VIPR1: variants seen among roughly 807,000 people sequenced by gnomAD.
VIPR1 encodes the protein vasoactive intestinal peptide receptor 1.
In VIPR1, 59 loss-of-function variants were observed where a neutral mutation model predicts 58.8. That is an observed-to-expected ratio of 1.00 (90% CI 0.81 to 1.25). VIPR1 has a LOEUF of 1.25. Ranked by LOEUF, VIPR1 falls within the 50% of genes most tolerant of loss-of-function variation. VIPR1 has a pLI of 0.00. For synonymous variants in VIPR1, 251 were observed against 242.1 expected (o/e 1.04, Z -0.34); for missense variants, 626 against 602.7 (o/e 1.04, Z -0.40).
At chr3:42,508,526 G>T (rs1266640706) in intron 1 of VIPR1, among the ~76,000 whole-genome samples, 1 of 152,128 alleles carries the variant, frequency 6.6e-6, no homozygotes, top group Non-Finnish European at 1.5e-5. Context: ...TCAGTGAATT[G>T]TCACATATGT....
At chr3:42,498,031 C>G (rs1699800054), upstream of VIPR1, among the ~76,000 whole-genome samples, 1 of 152,214 alleles carries the variant, frequency 6.6e-6, no homozygotes, top group Non-Finnish European at 1.5e-5. Flanking sequence ...CTGCCCAGAG[C>G]AGGAGCTCCA....
intron 2 of VIPR1, 98 bp downstream of exon 2, chr3:42,513,952 T>A: frequency 7.5e-7 from 1 of 1,340,052 alleles, no homozygotes; most frequent in Non-Finnish European, 1.0e-6. Flanking sequence ...GTTCCACATT[T>A]ATTGGATGAT....
chr3:42,505,724 A>C (rs1205239058), intron 1 of VIPR1, among the ~76,000 whole-genome samples: 1 of 152,230 alleles, frequency 6.6e-6, no homozygotes, highest in Non-Finnish European at 1.5e-5. Context: ...CCAGGCTGGA[A>C]ACAGGAGAGC....
chr3:42,526,233 A>T (rs1239813326), intron 4 of VIPR1, among the ~76,000 whole-genome samples: 2 of 152,188 alleles, frequency 1.3e-5, no homozygotes. Flanking sequence ...AAGCTGAAGC[A>T]GCTCCCCCAG....
At chr3:42,511,672 GA>G (rs1481545810) in intron 1 of VIPR1, 1 of 152,348 alleles carries the variant, frequency 6.6e-6, no homozygotes, top group Non-Finnish European at 1.5e-5. Context: ...CCAGAAAGCA[GA>G]AAGAACCCTG....
chr3:42,502,896 G>A, intron 1 of VIPR1, 83 bp downstream of exon 1: 1 of 1,059,806 alleles, frequency 9.4e-7, no homozygotes, highest in African/African-American at 1.6e-5. Context: ...CGGGAGCCGG[G>A]CCGTCTGTGC....
chr3:42,493,649 A>G (rs1332703129), intron 1 of VIPR1, among the ~76,000 whole-genome samples: 1 of 152,196 alleles, frequency 6.6e-6, no homozygotes, highest in Non-Finnish European at 1.5e-5. Flanking sequence ...AGTCAGGGGA[A>G]TGACACAGTG....
chr3:42,505,004 C>T (rs1700050696), intron 1 of VIPR1, among the ~76,000 whole-genome samples: 1 of 152,102 alleles, frequency 6.6e-6, no homozygotes, highest in African/African-American at 2.4e-5. Context: ...GCCCCTGCCC[C>T]CCGGACAGCA....
chr3:42,527,467 G>A lies in VIPR1; in HGVS notation c.474G>A (p.Leu158=). ...IGYGLSLATL[L]VATAILSLFR... is the part of the protein sequence containing the mutation. ...ACGGCCTGTCCCTCGCCACCCTTCT[G>A]GTCGCCACAGCTATCCTGAGCCTGT... The change falls in exon 5 of 13, where the codon CTG becomes CTA. Residue 158 remains leucine, a synonymous_variant. Coordinates refer to ENST00000325123, the MANE Select transcript of VIPR1 (RefSeq NM_004624.4). 6.2e-7 allele frequency: 1 copy of A among 1,613,886 alleles called. No individual in the cohort carries two copies. The highest frequency in any genetic ancestry group is 1.1e-5 in the South Asian group (1 of 91,078).
At position 42,528,093 on chromosome 3, in the gene VIPR1, CG is replaced by C. The variant is rs1701333276; in HGVS notation, c.610del (p.Glu204SerfsTer94). ...TCAAAGACTTGGCCCTCTTCGACAG[CG>C]GGGAGTCGGACCAGTGCTCCGAGGG... ...FIKDLALFDS[G>X]ESDQCSEGSV... On this transcript the variant is annotated frameshift_variant, in exon 6 of 13. Transcript: ENST00000325123. LOFTEE classifies it high-confidence loss of function. The C allele has an allele frequency of 1.2e-6, 2 of 1,613,930 alleles. No homozygotes were observed. Among genetic ancestry groups the C allele is most frequent in the Admixed American group, 1.7e-5 (1 of 60,018 alleles).
In VIPR1 at chr3:42,532,229, C is replaced by A. The variant is rs374340346; in HGVS notation, c.919-13C>A. Reference sequence around the variant, plus strand: ...CCGCTCTGACTGCCCGAACTCGGGTCCCCACCCACTAGGTAAACTTCATCC... The same window carrying A: ...CCGCTCTGACTGCCCGAACTCGGGTACCCACCCACTAGGTAAACTTCATCC... On this transcript the variant is annotated splice_polypyrimidine_tract_variant and intron_variant, in intron 9 of 12. Coordinates refer to ENST00000325123, the MANE Select transcript of VIPR1 (RefSeq NM_004624.4). The A allele has an allele frequency of 3.1e-6, 5 of 1,613,882 alleles. No individual in the cohort carries two copies. The highest frequency in any genetic ancestry group is 4.2e-6 in the Non-Finnish European group (5 of 1,179,896).
rs571640692 is a variant in VIPR1 at position 42,523,539 on chromosome 3, G to A, written c.293-2348G>A. 9.9e-5 allele frequency among the ~76,000 whole-genome samples: 15 copies of A among 151,524 alleles called. 1 individual carries two copies. The East Asian group carries it at 1.4e-3, about 14-fold the overall frequency. On this transcript the variant is annotated intron_variant, in intron 3 of 12. Transcript: ENST00000325123. Reference sequence around the variant, plus strand: ...AGCCTTGGGATCCCCATTTTTTGATGGGATAACAAAAACTACCAATTCCTA... The same window carrying A: ...AGCCTTGGGATCCCCATTTTTTGATAGGATAACAAAAACTACCAATTCCTA...
chr3:42,527,816 TG>T, intron 5 of VIPR1, 174 bp from the exon 6 acceptor site: 1 of 935,248 alleles, frequency 1.1e-6, no homozygotes, highest in Non-Finnish European at 1.6e-6. Flanking sequence ...CACAGGTGGA[TG>T]GGGTACCTGG....
At chr3:42,533,438 G>GT (rs1701680850) in intron 10 of VIPR1, 2 of 139,932 alleles carry the variant, frequency 1.4e-5, no homozygotes, top group African/African-American at 2.7e-5. Context: ...GACGGGGGGG[G>GT]CATCTGCAGT....
intron 6 of VIPR1, chr3:42,529,598 G>C (rs114345531): frequency 0.012 from 1,764 of 152,396 alleles, 18 homozygotes; most frequent in Middle Eastern, 0.024. Context: ...AGTGGTGGGG[G>C]CAGGGGGAGG....
intron 1 of VIPR1, among the ~76,000 whole-genome samples, chr3:42,496,519 A>T (rs557125966): frequency 6.6e-6 from 1 of 152,324 alleles, no homozygotes; most frequent in South Asian, 2.1e-4. Context: ...CTGAGAACTG[A>T]AAAGAATTTC....
intron 1 of VIPR1, chr3:42,512,707 ACT>A: frequency 1.0e-6 from 1 of 981,836 alleles, no homozygotes; most frequent in African/African-American, 1.7e-5. Flanking sequence ...GTCTTGCTGG[ACT>A]CTCTTCTATG....
In VIPR1 at chr3:42,502,731, A is replaced by G; in HGVS notation, c.-5A>G. On this transcript the variant is annotated 5_prime_UTR_variant, in exon 1 of 13. Transcript: ENST00000325123. ...GGGCCGCCCGCCGCGGGCTCAGGGC[A>G]GACCATGCGCCCGCCAAGTCCGCTG... The G allele has an allele frequency of 7.6e-7, 1 of 1,322,676 alleles. No homozygotes were observed. Among genetic ancestry groups the G allele is most frequent in the Non-Finnish European group, 9.6e-7 (1 of 1,039,782 alleles). 81.9% of individuals were successfully genotyped at this position (1,322,676 alleles called of 1,614,324 possible). A position where few individuals can be genotyped will look rare whatever the true frequency, so the allele number is the denominator to read the frequency against.
chr3:42,525,353 G>A (rs1363516639), intron 3 of VIPR1, among the ~76,000 whole-genome samples: 1 of 151,852 alleles, frequency 6.6e-6, no homozygotes, highest in Admixed American at 6.6e-5. Flanking sequence ...GCCTTTGCCT[G>A]CACAGGTTCC....
Sources: allele counts gnomAD v4.1 joint callset (sites outside exome capture counted in the v4.1 genomes callset), GRCh38; gene constraint gnomAD v4.1.1; transcripts MANE v1.5; gene names NCBI Gene and HGNC (gene_info 2026-07-23, HGNC 2026-07-21).